SCAF11: variants seen among roughly 807,000 people sequenced by gnomAD.
SCAF11 encodes the protein protein SCAF11.
Under a neutral mutation model 140.5 loss-of-function variants are expected in SCAF11, and 47 were observed. That is an observed-to-expected ratio of 0.33 (90% CI 0.26 to 0.43). The LOEUF is 0.43. SCAF11 is among the 20% of genes least tolerant of loss of function. SCAF11 has a pLI of 1.00. For missense variants in SCAF11, 1,645 were observed against 1,705.1 expected, an observed-to-expected ratio of 0.96 and a Z score of 0.62; for synonymous variants, 557 against 579.4, an observed-to-expected ratio of 0.96 and a Z score of 0.55.
At position 45,944,976 on chromosome 12, in the gene SCAF11, T is replaced by C. The variant is rs11183244; in HGVS notation, c.463+273A>G. 203 of 405,784 alleles carry C rather than the reference T, an allele frequency of 5.0e-4. No individual in the cohort carries two copies. In the East Asian group the frequency reaches 9.3e-3, roughly 19 times the overall value. 25.1% of individuals were successfully genotyped at this position (405,784 alleles called of 1,614,324 possible). A position where few individuals can be genotyped will look rare whatever the true frequency, so the allele number is the denominator to read the frequency against. The stretch of plus-strand genomic sequence containing the variant: ...TAATGGGTGGAATAAGGCCACAGTA[T>C]GAGCTGGTCAACACCAAGAAATTGT... On this transcript the variant is annotated intron_variant, in intron 6 of 14. Coordinates refer to ENST00000369367, the MANE Select transcript of SCAF11 (RefSeq NM_004719.3).
chr12:45,939,531 T>A (rs1222888599), intron 6 of SCAF11, among the ~76,000 whole-genome samples: 1 of 152,140 alleles, frequency 6.6e-6, no homozygotes, highest in Non-Finnish European at 1.5e-5. Context: ...TTCCCCTGTC[T>A]CTACTAAAAA....
At chr12:45,958,081 T>TC (rs1480756764) in intron 3 of SCAF11, among the ~76,000 whole-genome samples, 2 of 151,704 alleles carry the variant, frequency 1.3e-5, no homozygotes, top group South Asian at 2.1e-4. Context: ...TTTTTTTTTT[T>TC]CCCAGTAGAG....
At position 45,934,439 on chromosome 12, in the gene SCAF11, C is replaced by A; in HGVS notation, c.522+8G>T. The A allele has an allele frequency of 6.3e-7, 1 of 1,585,852 alleles. No individual in the cohort carries two copies. The highest frequency in any genetic ancestry group is 1.2e-5 in the South Asian group (1 of 84,810). On this transcript the variant is annotated splice_region_variant and intron_variant, in intron 7 of 14. Coordinates refer to ENST00000369367, the MANE Select transcript of SCAF11 (RefSeq NM_004719.3). ...CTAAGAAAAAGATTTTTCTTGGTTT[C>A]AACAAACCTTATTTATCTTTATTGC...
rs537082875 is a variant in SCAF11, at chr12:45,920,818, AAAC to A, written c.*1227_*1229del. 8 of 152,596 alleles carry A rather than the reference AAAC, an allele frequency of 5.2e-5. No homozygotes were observed. The South Asian group carries it at 1.5e-3, about 28-fold the overall frequency. 9.5% of individuals were successfully genotyped at this position (152,596 alleles called of 1,614,324 possible). On this transcript the variant is annotated 3_prime_UTR_variant, in exon 15 of 15. Transcript: ENST00000369367. ...GAAAATATTTCATCAGTGATTAGAT[AAAC>A]AACAACTTTACGCCAGTGCCATGAG...
chr12:45,964,889 A>G (rs1481269758), intron 1 of SCAF11, among the ~76,000 whole-genome samples: 1 of 152,020 alleles, frequency 6.6e-6, no homozygotes, highest in Non-Finnish European at 1.5e-5. Context: ...AGCTAGGCCA[A>G]TCTCACAATT....
intron 10 of SCAF11, chr12:45,929,659 A>G (rs1318993750): frequency 1.3e-5 from 2 of 152,234 alleles, no homozygotes; most frequent in African/African-American, 2.4e-5. Context: ...AAAAACTACA[A>G]CAGAGTTTCT....
In SCAF11 at chr12:45,927,903, G is replaced by A. The variant is rs1427414315; in HGVS notation, c.1798C>T (p.Leu600=). The change falls in exon 11 of 15, where the codon CTA becomes TTA. Residue 600 remains leucine, a synonymous_variant. Transcript: ENST00000369367. ...VEITEHKDFT[L]KTEELIESPK... ...CTCTCTATAAGCTCCTCTGTTTTTA[G>A]TGTAAAATCTTTATGTTCAGTAATT... The A allele has an allele frequency of 1.2e-6, 2 of 1,612,166 alleles. No individual in the cohort carries two copies. Among genetic ancestry groups the A allele is most frequent in the East Asian group, 4.5e-5 (2 of 44,874 alleles).
At chr12:45,990,215 G>C in intron 1 of SCAF11, 138 bp downstream of exon 1, 9 of 1,174,276 alleles carry the variant, frequency 7.7e-6, no homozygotes, top group Non-Finnish European at 9.6e-6. Context: ...ACGTCGCACG[G>C]GCCGCGCGAG....
rs781385826 is a variant in SCAF11 at position 45,927,388 on chromosome 12, A to T, written c.2313T>A (p.Ser771=). ...TATCTTTTGGGCTTTCAGATGGTTG[A>T]GAAACAGTTTCAACCTTTTCATCCG... ...DLADEKVETV[S]QPSESPKDTI... Residue 771 remains serine, a synonymous_variant, in exon 11 of 15, where the codon TCT becomes TCA. Transcript: ENST00000369367. 4 of 1,613,970 alleles carry T rather than the reference A, an allele frequency of 2.5e-6. No homozygotes were observed. Among genetic ancestry groups the T allele is most frequent in the Non-Finnish European group, 3.4e-6 (4 of 1,180,018 alleles).
chr12:45,924,847 G>A lies in SCAF11; in HGVS notation c.3787C>T (p.Leu1263Phe), dbSNP rs1944813356. 1 of 1,613,944 alleles carries A rather than the reference G, an allele frequency of 6.2e-7. No homozygotes were observed. The highest frequency in any genetic ancestry group is 8.5e-7 in the Non-Finnish European group (1 of 1,179,992). Reference protein sequence around the residue: ...LPLHLHTGVPLMQVATPTSVS... With the variant: ...LPLHLHTGVPFMQVATPTSVS... ...CTGGTAGGAGTGGCTACCTGCATGA[G>A]GGGCACTCCTGTGTGGAGATGCAAG... The change falls in exon 12 of 15, where the codon CTC becomes TTC. Residue 1263 changes from leucine to phenylalanine, a missense_variant. Around this residue, in one of 2 missense-constraint regions of SCAF11, gnomAD observed 1,582 missense variants for 1,609.2 expected, o/e 0.98. Transcript: ENST00000369367.
At chr12:45,990,241 C>T (rs10785593) in intron 1 of SCAF11, 112 bp downstream of exon 1, 573,680 of 1,219,262 alleles carry the variant, frequency 0.47, 139,654 homozygotes, top group South Asian at 0.52. Context: ...GAAACTTTGT[C>T]AGCCCTCGCG....
Position 45,925,359 on chromosome 12 carries a change from C to G in SCAF11, c.3560-285G>C, listed in dbSNP as rs372301142. Among the ~76,000 whole-genome samples, 345 of 152,176 alleles carry G rather than the reference C, an allele frequency of 2.3e-3. 12 individuals carry two copies. In the South Asian group the frequency reaches 0.067, roughly 30 times the overall value. On this transcript the variant is annotated intron_variant, in intron 11 of 14. Coordinates refer to ENST00000369367, the MANE Select transcript of SCAF11 (RefSeq NM_004719.3). ...CCTGAGGTCAGGTGTTCGAGAGCAG[C>G]CTGGCCAACATGGTGAAACCCCGTC...
At position 45,925,074 on chromosome 12, in the gene SCAF11, T is replaced by C. The variant is rs1565656623; in HGVS notation, c.3560A>G (p.Asp1187Gly). 6.3e-7 allele frequency: 1 copy of C among 1,594,572 alleles called. No individual in the cohort carries two copies. The highest frequency in any genetic ancestry group is 8.6e-7 in the Non-Finnish European group (1 of 1,168,764). Residue 1187 changes from aspartate to glycine, a missense_variant and splice_region_variant, in exon 12 of 15, where the codon GAT becomes GGT. Asp to Gly is a moderately conservative substitution (Grantham distance 94). This residue lies in a region of SCAF11 where 1,582 missense variants were observed against 1,609.2 expected (regional missense o/e 0.98). Coordinates refer to ENST00000369367, the MANE Select transcript of SCAF11 (RefSeq NM_004719.3). Reference protein sequence around the residue: ...MKQEEETSGQDSSLKDQTNQQ... With the variant: ...MKQEEETSGQGSSLKDQTNQQ... ...GTTTGTTTGGTCTTTTAGGCTAGAATCTATCAAAAGAAAAAAAGCTTGTGA... is the reference window on the plus strand; with the variant it reads ...GTTTGTTTGGTCTTTTAGGCTAGAACCTATCAAAAGAAAAAAAGCTTGTGA...
chr12:45,928,775 C>G lies in SCAF11; in HGVS notation c.926G>C (p.Gly309Ala). 6.2e-7 allele frequency: 1 copy of G among 1,613,632 alleles called. No individual in the cohort carries two copies. Among genetic ancestry groups the G allele is most frequent in the Non-Finnish European group, 8.5e-7 (1 of 1,179,938 alleles). The change falls in exon 11 of 15, where the codon GGA (glycine) becomes GCA (alanine). Residue 309 changes from glycine to alanine, a missense_variant. By Grantham distance (60) the Gly-to-Ala change is moderately conservative (BLOSUM62 0). Around this residue, in one of 2 missense-constraint regions of SCAF11, gnomAD observed 1,582 missense variants for 1,609.2 expected, o/e 0.98. Coordinates refer to ENST00000369367, the MANE Select transcript of SCAF11 (RefSeq NM_004719.3). ...TGTCATTGCAGGTTTTCGTCTTGAT[C>G]CTCTGGTATTTGATGTACCAGAAGT... is the stretch of plus-strand genomic sequence containing the variant. ...KQTSGTSNTRGSRRKPAMTTP... is the reference protein window; with the variant it reads ...KQTSGTSNTRASRRKPAMTTP...
At chr12:45,933,311 G>C in intron 8 of SCAF11, 79 bp from the exon 9 acceptor site, 1 of 935,886 alleles carries the variant, frequency 1.1e-6, no homozygotes, top group Non-Finnish European at 1.6e-6. Context: ...ACAAAGAATA[G>C]CAGTCGTTTT....
At chr12:45,933,764 A>T (rs1945108938) in intron 8 of SCAF11, among the ~76,000 whole-genome samples, 1 of 152,108 alleles carries the variant, frequency 6.6e-6, no homozygotes, top group Non-Finnish European at 1.5e-5. Context: ...TTAAAACCTC[A>T]ATTTAATCTT....
chr12:45,928,887 G>T, intron 10 of SCAF11, 28 bp from the exon 11 acceptor site: 1 of 1,039,720 alleles, frequency 9.6e-7, no homozygotes. Context: ...AAAAAAAAAA[G>T]TAAAAAATAT....
chr12:45,927,416 A>T lies in SCAF11; in HGVS notation c.2285T>A (p.Leu762His), dbSNP rs201003016. 1.3e-4 allele frequency: 215 copies of T among 1,613,868 alleles called. 1 individual carries two copies. The Admixed American group carries it at 3.6e-3, about 27-fold the overall frequency. Residue 762 changes from leucine (L) to histidine (H), a missense_variant, in exon 11 of 15, where the codon CTT becomes CAT. By Grantham distance (99) the Leu-to-His change is moderately conservative. This residue lies in a region of SCAF11 where 1,582 missense variants were observed against 1,609.2 expected (regional missense o/e 0.98). Transcript: ENST00000369367. ...CSENNMPSSDLADEKVETVSQ... is the reference protein window; with the variant it reads ...CSENNMPSSDHADEKVETVSQ... ...AACAGTTTCAACCTTTTCATCCGCA[A>T]GATCAGAAGACGGCATATTATTTTC...
intron 3 of SCAF11, among the ~76,000 whole-genome samples, chr12:45,960,180 A>T (rs771980556): frequency 6.6e-6 from 1 of 152,194 alleles, no homozygotes; most frequent in Admixed American, 6.5e-5. Flanking sequence ...AACCTGGAAC[A>T]TGTACATCAG....
Sources: gnomAD v4.1 joint callset for allele counts (sites outside exome capture counted in the v4.1 genomes callset) on GRCh38, gnomAD v4.1.1 for gene constraint, gnomAD v4.1.1 regional missense constraint, MANE v1.5 for transcripts, NCBI Gene and HGNC (gene_info 2026-07-23, HGNC 2026-07-21) for gene names.